Variants in PVT1 observed in about 807,000 individuals in gnomAD.
PVT1 encodes the protein CXCR4/PVT1 fusion.
chr8:127,918,825 C>T (rs370977142), intron 3 of PVT1, among the ~76,000 whole-genome samples: 1 of 152,206 alleles, frequency 6.6e-6, no homozygotes, highest in Non-Finnish European at 1.5e-5. Flanking sequence ...TTCTAACCAC[C>T]CAAGAGATAA....
At chr8:127,805,637 A>G (rs9886651) in intron 2 of PVT1, among the ~76,000 whole-genome samples, 53,500 of 151,906 alleles carry the variant, frequency 0.35, 10,937 homozygotes, top group Non-Finnish European at 0.46. Flanking sequence ...TATTTGTGGA[A>G]TGCCTGTGGT....
intron 4 of PVT1, among the ~76,000 whole-genome samples, chr8:128,031,954 G>T (rs764961455): frequency 6.6e-5 from 10 of 152,138 alleles, no homozygotes; most frequent in African/African-American, 9.7e-5. Flanking sequence ...TAATTATTAT[G>T]ATAGGACAAC....
chr8:127,945,633 G>T (rs1444792319), intron 3 of PVT1, among the ~76,000 whole-genome samples: 1 of 152,118 alleles, frequency 6.6e-6, no homozygotes, highest in African/African-American at 2.4e-5. Context: ...CGCTGGTCTG[G>T]TCCATTGCTT....
chr8:127,873,738 A>G (rs1453116171), intron 2 of PVT1, among the ~76,000 whole-genome samples: 1 of 152,190 alleles, frequency 6.6e-6, no homozygotes, highest in African/African-American at 2.4e-5. Context: ...GGCTTCCCAG[A>G]GGAGGCCTTT....
intron 2 of PVT1, among the ~76,000 whole-genome samples, chr8:127,856,909 A>G (rs543353633): frequency 1.1e-4 from 17 of 152,238 alleles, no homozygotes; most frequent in Admixed American, 3.3e-4. Context: ...CATTTGATAT[A>G]TTAGTTACTG....
intron 3 of PVT1, among the ~76,000 whole-genome samples, chr8:127,931,784 C>T (rs1386957721): frequency 6.6e-6 from 1 of 152,258 alleles, no homozygotes; most frequent in Non-Finnish European, 1.5e-5. Flanking sequence ...CTGTCCACCA[C>T]CCTAATAAAG....
At chr8:128,089,570 TG>T (rs1814322493) in intron 5 of PVT1, among the ~76,000 whole-genome samples, 1 of 152,208 alleles carries the variant, frequency 6.6e-6, no homozygotes, top group Non-Finnish European at 1.5e-5. Flanking sequence ...AGTCTATAAC[TG>T]GGATGCAAGG....
chr8:127,846,163 G>A (rs373467846), intron 2 of PVT1, among the ~76,000 whole-genome samples: 5 of 152,348 alleles, frequency 3.3e-5, no homozygotes, highest in African/African-American at 1.2e-4. Context: ...ACTGAACTAA[G>A]TGGTAATAAA....
At chr8:127,880,383 G>A (rs1045480862) in intron 2 of PVT1, among the ~76,000 whole-genome samples, 1 of 147,362 alleles carries the variant, frequency 6.8e-6, no homozygotes, top group African/African-American at 2.5e-5. Flanking sequence ...CTCCACTTCC[G>A]GGTTCACGCC....
intron 3 of PVT1, among the ~76,000 whole-genome samples, chr8:127,917,368 A>G (rs1349533789): frequency 3.3e-5 from 5 of 152,218 alleles, no homozygotes; most frequent in Non-Finnish European, 5.9e-5. Context: ...GTCAAATGTC[A>G]TGAGTGCTGG....
chr8:128,063,959 G>C (rs945556416), intron 4 of PVT1, among the ~76,000 whole-genome samples: 1 of 152,004 alleles, frequency 6.6e-6, no homozygotes, highest in Non-Finnish European at 1.5e-5. Context: ...GTTGTAAATA[G>C]TAAATACATA....
chr8:127,845,899 C>G (rs1034471701), intron 2 of PVT1, among the ~76,000 whole-genome samples: 1 of 152,200 alleles, frequency 6.6e-6, no homozygotes, highest in Non-Finnish European at 1.5e-5. Context: ...GAACAAAACT[C>G]GGCGGAAAGG....
At chr8:127,892,645 C>G (rs537943921) in intron 3 of PVT1, among the ~76,000 whole-genome samples, 23 of 152,298 alleles carry the variant, frequency 1.5e-4, no homozygotes, top group Admixed American at 7.8e-4. Flanking sequence ...TTATACCAAA[C>G]AAGGCCCCTT....
At chr8:127,809,093 G>A (rs1310279721) in intron 2 of PVT1, among the ~76,000 whole-genome samples, 1 of 151,412 alleles carries the variant, frequency 6.6e-6, no homozygotes, top group Non-Finnish European at 1.5e-5. Context: ...CTTCTTGGAG[G>A]GCAAAGTTTG....
chr8:128,090,420 A>G (rs1283412506), intron 5 of PVT1, among the ~76,000 whole-genome samples: 1 of 152,208 alleles, frequency 6.6e-6, no homozygotes, highest in East Asian at 1.9e-4. Context: ...AGTATAATGA[A>G]TTGGCAATGG....
chr8:128,017,978 A>G (rs1817392598), intron 4 of PVT1, among the ~76,000 whole-genome samples: 2 of 152,184 alleles, frequency 1.3e-5, no homozygotes, highest in Admixed American at 1.3e-4. Context: ...TAATCTACGA[A>G]TACGTAGATT....
At chr8:127,860,739 T>C (rs1399635664) in intron 2 of PVT1, among the ~76,000 whole-genome samples, 1 of 132,428 alleles carries the variant, frequency 7.6e-6, no homozygotes, top group Non-Finnish European at 1.5e-5. Context: ...CACTCCAGCC[T>C]GGGTGACAGA....
chr8:127,942,701 T>G (rs1411771181), intron 3 of PVT1, among the ~76,000 whole-genome samples: 1 of 152,220 alleles, frequency 6.6e-6, no homozygotes, highest in East Asian at 1.9e-4. Context: ...CCTGACCAGC[T>G]GGTGCCTCAT....
At chr8:127,827,055 G>C (rs1814797811) in intron 2 of PVT1, among the ~76,000 whole-genome samples, 1 of 139,772 alleles carries the variant, frequency 7.2e-6, no homozygotes, top group Non-Finnish European at 1.5e-5. Context: ...GAGTGCAGTG[G>C]CACCATCTTG....
Sources: gnomAD v4.1 joint callset for allele counts (sites outside exome capture counted in the v4.1 genomes callset) on GRCh38, gnomAD v4.1.1 for gene constraint, MANE v1.5 for transcripts, NCBI Gene and HGNC (gene_info 2026-07-23, HGNC 2026-07-21) for gene names.